HPSE2: variants seen among roughly 807,000 people sequenced by gnomAD.
HPSE2 encodes the protein heparanase 2 (inactive).
HPSE2 carries 38 observed loss-of-function variants against 60.5 expected under a neutral mutation model. That is an observed-to-expected ratio of 0.63 (90% CI 0.48 to 0.82). HPSE2 has a LOEUF of 0.82. HPSE2 is among the 40% of genes least tolerant of loss of function. HPSE2 has a pLI of 0.00. For synonymous variants in HPSE2, 295 were observed against 293.2 expected, an observed-to-expected ratio of 1.01 and a Z score of -0.06; for missense variants, 713 against 740.4, an observed-to-expected ratio of 0.96 and a Z score of 0.43.
At chr10:98,582,842 T>C (rs761073007) in intron 9 of HPSE2, among the ~76,000 whole-genome samples, 3 of 152,156 alleles carry the variant, frequency 2.0e-5, no homozygotes, top group Non-Finnish European at 2.9e-5. Context: ...ATAATCAATT[T>C]TGGAACATTT....
chr10:98,719,992 C>T (rs1288170253), intron 5 of HPSE2, among the ~76,000 whole-genome samples: 1 of 151,866 alleles, frequency 6.6e-6, no homozygotes, highest in Non-Finnish European at 1.5e-5. Flanking sequence ...CAGAGTGAGA[C>T]TCTGTGTTTA....
At chr10:98,806,004 T>C (rs1951033118) in intron 3 of HPSE2, among the ~76,000 whole-genome samples, 1 of 152,208 alleles carries the variant, frequency 6.6e-6, no homozygotes, top group African/African-American at 2.4e-5. Context: ...CAAGAAGCTC[T>C]GCAACATGAA....
intron 3 of HPSE2, among the ~76,000 whole-genome samples, chr10:98,963,414 C>G (rs1428633316): frequency 2.0e-5 from 3 of 152,104 alleles, no homozygotes; most frequent in Non-Finnish European, 4.4e-5. Flanking sequence ...CAGTGCCACA[C>G]TAGTATGTCA....
intron 3 of HPSE2, among the ~76,000 whole-genome samples, chr10:98,993,733 C>A (rs567711063): frequency 6.6e-6 from 1 of 152,284 alleles, no homozygotes; most frequent in Non-Finnish European, 1.5e-5. Context: ...CATTCCCTTT[C>A]AGCTTCATGC....
At chr10:99,288,632 C>T in the HPSE2 span, among the ~76,000 whole-genome samples, 1 of 151,148 alleles carries the variant, frequency 6.6e-6, no homozygotes, top group African/African-American at 2.4e-5. Flanking sequence ...GCAAAGGGAA[C>T]CCAAGGTAAT....
Position 98,781,306 on chromosome 10 carries a change from TA to T in HPSE2, c.611-37251del, listed in dbSNP as rs1351752098. 3.3e-3 allele frequency among the ~76,000 whole-genome samples: 402 copies of T among 120,078 alleles called. 3 individuals are homozygous for T. The highest frequency in any genetic ancestry group is 0.012 in the African/African-American group (377 of 31,484). The allele number at this position is 120,078 out of a possible 152,430, so 78.8% of individuals were successfully genotyped here. A position where few individuals can be genotyped will look rare whatever the true frequency, so the allele number is the denominator to read the frequency against. ...CCACTTCTTTTTTTTTTTTTTTTTT[TA>T]TTTTTAAATTTGGTATTGGAGTAAG... On this transcript the variant is annotated intron_variant, in intron 3 of 11. Coordinates refer to ENST00000370552, the MANE Select transcript of HPSE2 (RefSeq NM_021828.5).
At chr10:98,814,712 T>C (rs1951245014) in intron 3 of HPSE2, among the ~76,000 whole-genome samples, 1 of 152,222 alleles carries the variant, frequency 6.6e-6, no homozygotes, top group Non-Finnish European at 1.5e-5. Flanking sequence ...TGCTCCAGGG[T>C]AAGAAGCAGC....
At chr10:99,062,372 T>C (rs1448044893) in intron 3 of HPSE2, among the ~76,000 whole-genome samples, 1 of 152,236 alleles carries the variant, frequency 6.6e-6, no homozygotes, top group Non-Finnish European at 1.5e-5. Flanking sequence ...TGCCCACAAC[T>C]AGTTCTCAGT....
chr10:98,483,618 G>A (rs577050067), intron 10 of HPSE2, among the ~76,000 whole-genome samples: 56 of 152,206 alleles, frequency 3.7e-4, no homozygotes, highest in South Asian at 4.1e-4. Context: ...CTAAGTGATC[G>A]CGTGATTTGC....
chr10:99,049,990 A>G (rs1346459578), intron 3 of HPSE2, among the ~76,000 whole-genome samples: 3 of 152,220 alleles, frequency 2.0e-5, no homozygotes, highest in Admixed American at 6.5e-5. Context: ...AAATATAGAG[A>G]ACATCACCAG....
chr10:99,123,023 C>CA (rs1244162667), intron 3 of HPSE2, among the ~76,000 whole-genome samples: 2 of 151,840 alleles, frequency 1.3e-5, no homozygotes, highest in African/African-American at 4.8e-5. Context: ...AATACAGTGG[C>CA]AAAAAATGTT....
intron 9 of HPSE2, among the ~76,000 whole-genome samples, chr10:98,588,658 A>G (rs777374665): frequency 6.6e-6 from 1 of 152,148 alleles, no homozygotes; most frequent in Non-Finnish European, 1.5e-5. Context: ...GGTAACGCTC[A>G]TGCTCAACAG....
intron 3 of HPSE2, among the ~76,000 whole-genome samples, chr10:98,857,794 C>T (rs1279250369): frequency 6.6e-6 from 1 of 152,048 alleles, no homozygotes; most frequent in Admixed American, 6.5e-5. Flanking sequence ...TTATCTGAAA[C>T]AGGGAATACA....
At chr10:99,121,789 A>G (rs1436240717) in intron 3 of HPSE2, among the ~76,000 whole-genome samples, 1 of 152,168 alleles carries the variant, frequency 6.6e-6, no homozygotes, top group Non-Finnish European at 1.5e-5. Flanking sequence ...GGAAGCAATC[A>G]CACTTCTAGG....
At chr10:99,290,125 T>C in the HPSE2 span, among the ~76,000 whole-genome samples, 2 of 152,188 alleles carry the variant, frequency 1.3e-5, no homozygotes, top group Non-Finnish European at 2.9e-5. Flanking sequence ...TATATTTGAT[T>C]AAAATTATTT....
intron 3 of HPSE2, among the ~76,000 whole-genome samples, chr10:98,752,516 T>C (rs1949782322): frequency 6.6e-6 from 1 of 152,200 alleles, no homozygotes. Flanking sequence ...TTTCAGTATC[T>C]GGATACTTTC....
At chr10:98,535,427 G>A (rs1468186112) in intron 9 of HPSE2, among the ~76,000 whole-genome samples, 1 of 151,840 alleles carries the variant, frequency 6.6e-6, no homozygotes, top group Non-Finnish European at 1.5e-5. Flanking sequence ...GGTGTAATAT[G>A]GCTTTGGTTC....
intron 9 of HPSE2, among the ~76,000 whole-genome samples, chr10:98,589,823 A>T (rs1945039318): frequency 6.6e-6 from 1 of 152,202 alleles, no homozygotes; most frequent in South Asian, 2.1e-4. Context: ...TTTTGTCCTC[A>T]GCCATGACTG....
chr10:99,247,475 A>G, the HPSE2 span, among the ~76,000 whole-genome samples: 22 of 152,372 alleles, frequency 1.4e-4, no homozygotes, highest in African/African-American at 5.3e-4. Flanking sequence ...CCTATAAAGC[A>G]ACCACACAAT....
Sources: allele counts gnomAD v4.1 joint callset (sites outside exome capture counted in the v4.1 genomes callset), GRCh38; gene constraint gnomAD v4.1.1; transcripts MANE v1.5; gene names NCBI Gene and HGNC (gene_info 2026-07-23, HGNC 2026-07-21).